SLC14A2: variants seen among roughly 807,000 people sequenced by gnomAD.
The protein encoded by SLC14A2 is urea transporter 2.
SLC14A2 carries 91 observed loss-of-function variants against 104.6 expected under a neutral mutation model. The ratio of observed to expected loss-of-function variants is 0.87; its 90% CI spans 0.73 to 1.04. The LOEUF (loss-of-function observed/expected upper bound fraction) is 1.04. SLC14A2 is among the 50% of genes least tolerant of loss of function. The pLI is 0.00. For missense variants in SLC14A2, 1,189 were observed against 1,156.0 expected, an observed-to-expected ratio of 1.03 and a Z score of -0.41; for synonymous variants, 476 against 466.4, an observed-to-expected ratio of 1.02 and a Z score of -0.27.
intron 2 of SLC14A2, among the ~76,000 whole-genome samples, chr18:45,625,394 T>G (rs544661511): frequency 1.8e-4 from 27 of 152,366 alleles, no homozygotes; most frequent in African/African-American, 5.5e-4. Context: ...ATCTGATCTT[T>G]GCATTTACAA....
At chr18:45,172,330 G>T in the SLC14A2 span, among the ~76,000 whole-genome samples, 1 of 152,054 alleles carries the variant, frequency 6.6e-6, no homozygotes, top group African/African-American at 2.4e-5. Context: ...TAATAAGCCA[G>T]CATCATTAAT....
chr18:45,281,270 T>G (rs1902462994), intron 1 of SLC14A2, among the ~76,000 whole-genome samples: 1 of 152,172 alleles, frequency 6.6e-6, no homozygotes, highest in Non-Finnish European at 1.5e-5. Context: ...TCAGCAACCT[T>G]ATTTGTATGC....
intron 1 of SLC14A2, chr18:45,436,793 C>CT (rs1465480157): frequency 1.2e-4 from 5 of 42,386 alleles, no homozygotes; most frequent in African/African-American, 4.9e-4. Context: ...CTGGAGATTT[C>CT]TTTCTTTTTT....
At chr18:45,545,412 G>A (rs969204077) in intron 2 of SLC14A2, among the ~76,000 whole-genome samples, 1 of 152,032 alleles carries the variant, frequency 6.6e-6, no homozygotes, top group Non-Finnish European at 1.5e-5. Context: ...ATGCTCTTGG[G>A]CTGATTTTCT....
At chr18:45,184,613 A>G in the SLC14A2 span, among the ~76,000 whole-genome samples, 2 of 152,236 alleles carry the variant, frequency 1.3e-5, no homozygotes, top group Non-Finnish European at 2.9e-5. Flanking sequence ...CTACTGACTT[A>G]CTTAATCCTG....
intron 1 of SLC14A2, among the ~76,000 whole-genome samples, chr18:45,408,180 C>T (rs1273797274): frequency 6.6e-6 from 1 of 152,152 alleles, no homozygotes; most frequent in East Asian, 1.9e-4. Flanking sequence ...CTTTGTTCTT[C>T]ACTGTTCATA....
At chr18:45,501,564 G>A (rs1206219294) in intron 2 of SLC14A2, among the ~76,000 whole-genome samples, 1 of 152,226 alleles carries the variant, frequency 6.6e-6, no homozygotes, top group Non-Finnish European at 1.5e-5. Flanking sequence ...TGAACAGGGT[G>A]CAGGTGAAGG....
chr18:45,372,401 G>A (rs2085732905), intron 1 of SLC14A2, among the ~76,000 whole-genome samples: 1 of 152,028 alleles, frequency 6.6e-6, no homozygotes, highest in Admixed American at 6.6e-5. Context: ...GATTGAGCTG[G>A]AGATGATCTG....
chr18:45,575,354 A>C (rs979112999), intron 2 of SLC14A2, among the ~76,000 whole-genome samples: 1 of 152,148 alleles, frequency 6.6e-6, no homozygotes, highest in African/African-American at 2.4e-5. Flanking sequence ...AGGGTCACTA[A>C]ATCAAAGCTG....
intron 1 of SLC14A2, among the ~76,000 whole-genome samples, chr18:45,465,530 C>T (rs2087124551): frequency 1.3e-5 from 2 of 152,140 alleles, no homozygotes. Flanking sequence ...CAGAAAGTAT[C>T]TTGTCATCCC....
At chr18:45,587,928 C>T (rs1473503588) in intron 2 of SLC14A2, among the ~76,000 whole-genome samples, 1 of 152,124 alleles carries the variant, frequency 6.6e-6, no homozygotes, top group Non-Finnish European at 1.5e-5. Context: ...ACCGCTATCC[C>T]CATTTCATAA....
chr18:45,235,160 T>C (rs545998967), intron 1 of SLC14A2, among the ~76,000 whole-genome samples: 1 of 152,188 alleles, frequency 6.6e-6, no homozygotes, highest in Non-Finnish European at 1.5e-5. Flanking sequence ...CAGCATCTTA[T>C]AGTATGCTTA....
chr18:45,655,404 G>A (rs948480667), intron 10 of SLC14A2, among the ~76,000 whole-genome samples: 6 of 152,266 alleles, frequency 3.9e-5, no homozygotes, highest in Admixed American at 2.0e-4. Context: ...GGTAGTGTCC[G>A]GCCTCTACCT....
At chr18:45,444,244 G>T (rs1234387984) in intron 1 of SLC14A2, among the ~76,000 whole-genome samples, 1 of 152,162 alleles carries the variant, frequency 6.6e-6, no homozygotes, top group African/African-American at 2.4e-5. Flanking sequence ...CTCTGGCTAG[G>T]GAGTCTGGAA....
chr18:45,489,541 G>A (rs2087680028), intron 2 of SLC14A2, among the ~76,000 whole-genome samples: 1 of 152,050 alleles, frequency 6.6e-6, no homozygotes, highest in Admixed American at 6.6e-5. Context: ...AATACTACTT[G>A]GGGGAGAGAA....
At chr18:45,460,423 C>T (rs1462931207) in intron 1 of SLC14A2, among the ~76,000 whole-genome samples, 1 of 152,132 alleles carries the variant, frequency 6.6e-6, no homozygotes, top group East Asian at 1.9e-4. Flanking sequence ...GAAGGGTTAG[C>T]CCAGAATTTG....
At chr18:45,629,621 A>G (rs191376453) in intron 4 of SLC14A2, among the ~76,000 whole-genome samples, 1 of 152,236 alleles carries the variant, frequency 6.6e-6, no homozygotes, top group East Asian at 1.9e-4. Context: ...TGTCCAGCTG[A>G]GATGAGCCCA....
Position 45,625,929 on chromosome 18 carries a change from G to T in SLC14A2, c.331+66G>T. 3 of 1,252,566 alleles carry T rather than the reference G, an allele frequency of 2.4e-6. No homozygotes were observed. In the South Asian group the frequency reaches 6.6e-5, roughly 28 times the overall value. The allele number at this position is 1,252,566 out of a possible 1,614,324, so 77.6% of individuals were successfully genotyped here. ...GGCCAGAGAGACAACCCTCTCTCCG[G>T]TTTGGTCCAAAGCTTCTCCCTCACT... On this transcript the variant is annotated intron_variant, in intron 3 of 19. Coordinates refer to ENST00000255226, the MANE Select transcript of SLC14A2 (RefSeq NM_007163.4).
At chr18:45,569,936 CA>C (rs2144332524) in intron 2 of SLC14A2, among the ~76,000 whole-genome samples, 1 of 152,308 alleles carries the variant, frequency 6.6e-6, no homozygotes, top group African/African-American at 2.4e-5. Context: ...AAAAGCCCTG[CA>C]ATGGCTTTTA....
Sources: allele counts gnomAD v4.1 joint callset (sites outside exome capture counted in the v4.1 genomes callset), GRCh38; gene constraint gnomAD v4.1.1; transcripts MANE v1.5; gene names NCBI Gene and HGNC (gene_info 2026-07-23, HGNC 2026-07-21).